Variants in WDR18 observed in about 807,000 individuals in gnomAD.
WDR18 encodes the protein WD repeat-containing protein 18.
WDR18 carries 33 observed loss-of-function variants against 49.6 expected under a neutral mutation model. That is an observed-to-expected ratio of 0.67 (90% confidence interval 0.50 to 0.89). WDR18 has a LOEUF of 0.89. WDR18 is among the 40% of genes least tolerant of loss of function. WDR18 has a pLI of 0.00. For missense variants in WDR18, 653 were observed against 593.6 expected, an observed-to-expected ratio of 1.10 and a Z score of -1.04; for synonymous variants, 315 against 263.6, an observed-to-expected ratio of 1.19 and a Z score of -1.89.
chr19:990,610 TGA>T, intron 4 of WDR18: 1 of 804,838 alleles, frequency 1.2e-6, no homozygotes, highest in Middle Eastern at 3.7e-4. Context: ...TCACTATGCT[TGA>T]GTCGTGACCG....
rs555918464 is a variant in WDR18 at position 990,622 on chromosome 19, G to A, written c.598-230G>A. 1.6e-4 allele frequency: 130 copies of A among 803,320 alleles called. No individual in the cohort carries two copies. The South Asian group carries it at 2.4e-3, about 15-fold the overall frequency. 49.8% of individuals were successfully genotyped at this position (803,320 alleles called of 1,614,324 possible). On this transcript the variant is annotated intron_variant, in intron 4 of 9. Coordinates refer to ENST00000585809, the MANE Select transcript of WDR18 (RefSeq NM_024100.4). ...TCATCACTATGCTTGAGTCGTGACC[G>A]GTGGTCCTGGGAGGGAGAACCAGGG...
chr19:992,317 C>G (rs565360784), intron 8 of WDR18, among the ~76,000 whole-genome samples, 196 bp downstream of exon 8: 106 of 152,354 alleles, frequency 7.0e-4, no homozygotes, highest in African/African-American at 2.4e-3. Context: ...CCCAGAGGCT[C>G]TGAGAAGTTA....
At chr19:992,236 G>A (rs1220492329) in intron 8 of WDR18, 115 bp downstream of exon 8, 2 of 1,256,202 alleles carry the variant, frequency 1.6e-6, no homozygotes, top group Non-Finnish European at 1.0e-6. Flanking sequence ...CCACAAGCCC[G>A]GCACTGGAGG....
At chr19:983,626 G>A (rs983240515), upstream of WDR18, among the ~76,000 whole-genome samples, 2 of 151,406 alleles carry the variant, frequency 1.3e-5, no homozygotes, top group Admixed American at 1.3e-4. Context: ...CATGAAGTTA[G>A]ACCCTGCTTG....
At position 985,859 on chromosome 19, in the gene WDR18, C is replaced by T; in HGVS notation, c.211-6C>T. 6.2e-7 allele frequency: 1 copy of T among 1,613,738 alleles called. No homozygotes were observed. On this transcript the variant is annotated splice_region_variant and splice_polypyrimidine_tract_variant and intron_variant, in intron 1 of 9. Transcript: ENST00000585809. ...GGGGCTCACGAGGCTGACTGTGCATCCTTAGGACCAGCTCCAGCAGAAGAT... is the reference window on the plus strand; with the variant it reads ...GGGGCTCACGAGGCTGACTGTGCATTCTTAGGACCAGCTCCAGCAGAAGAT...
chr19:988,151 G>A (rs983681545), intron 2 of WDR18, among the ~76,000 whole-genome samples: 34 of 46,316 alleles, frequency 7.3e-4, no homozygotes, highest in African/African-American at 1.7e-3. Flanking sequence ...TTTCTGACCC[G>A]TGAGCTGTGA....
chr19:993,917 C>T, intron 8 of WDR18, 103 bp from the exon 9 acceptor site: 1 of 1,341,970 alleles, frequency 7.5e-7, no homozygotes, highest in Non-Finnish European at 1.0e-6. Flanking sequence ...ACGGTGGCCC[C>T]TCCCTGGCTG....
At chr19:991,432 G>A in intron 7 of WDR18, 81 bp downstream of exon 7, 2 of 1,400,966 alleles carry the variant, frequency 1.4e-6, no homozygotes, top group Non-Finnish European at 1.9e-6. Flanking sequence ...TTGGGTGGGG[G>A]CGGGGACTGG....
chr19:990,802 C>G (rs1313058169), intron 4 of WDR18, 50 bp from the exon 5 acceptor site: 4 of 1,550,210 alleles, frequency 2.6e-6, no homozygotes, highest in Non-Finnish European at 3.5e-6. Context: ...CCATGGGGTC[C>G]TCGGGTTCCC....
At chr19:993,177 TTTTG>T (rs2038581994) in intron 8 of WDR18, among the ~76,000 whole-genome samples, 1 of 152,212 alleles carries the variant, frequency 6.6e-6, no homozygotes, top group Non-Finnish European at 1.5e-5. Flanking sequence ...GGGGCGAGCT[TTTTG>T]TTCAGAAAGT....
intron 8 of WDR18, among the ~76,000 whole-genome samples, chr19:993,580 T>C (rs1049271252): frequency 4.6e-5 from 7 of 152,212 alleles, no homozygotes; most frequent in African/African-American, 1.7e-4. Context: ...CGTCCCTCCA[T>C]GTAACTGGTT....
At position 989,831 on chromosome 19, in the gene WDR18, G is replaced by A; in HGVS notation, c.391G>A (p.Gly131Arg). ...GGACGTCTCCTGCCTTCAGTTCACA[G>A]GGGACAGCAGCCACTTCATCTCAGG... ...YQDVSCLQFT[G>R]DSSHFISGGK... Residue 131 changes from glycine to arginine, a missense_variant, in exon 3 of 10, where the codon GGG becomes AGG. Coordinates refer to ENST00000585809, the MANE Select transcript of WDR18 (RefSeq NM_024100.4). The A allele has an allele frequency of 1.2e-6, 2 of 1,612,804 alleles. No individual in the cohort carries two copies. Among genetic ancestry groups the A allele is most frequent in the Non-Finnish European group, 1.7e-6 (2 of 1,179,832 alleles).
upstream of WDR18, among the ~76,000 whole-genome samples, chr19:984,112 C>T (rs1454983590): frequency 1.3e-5 from 2 of 152,204 alleles, no homozygotes; most frequent in African/African-American, 4.8e-5. Context: ...ACTAACTGAT[C>T]GCCGGAGACC....
intron 2 of WDR18, among the ~76,000 whole-genome samples, chr19:987,831 T>TTTTTTTGTTTTTTTTG (rs2038491580): frequency 2.9e-5 from 1 of 35,060 alleles, no homozygotes; most frequent in African/African-American, 8.3e-5. Context: ...CGCCTCCAGT[T>TTTTTTTGTTTTTTTTG]TTTTTTTTTT....
In WDR18 at chr19:994,359, G is replaced by A. The variant is rs766761424; in HGVS notation, c.*15G>A. The A allele has an allele frequency of 1.6e-5, 25 of 1,599,798 alleles. No homozygotes were observed. The East Asian group carries it at 1.8e-4, about 12-fold the overall frequency. On this transcript the variant is annotated 3_prime_UTR_variant, in exon 10 of 10. Coordinates refer to ENST00000585809, the MANE Select transcript of WDR18 (RefSeq NM_024100.4). ...CGGCCAAGTGAGGCCCGGAGACCCC[G>A]GCCCGAGGCGCCCAGGCCTGAGCCC...
At chr19:991,411 C>G in intron 7 of WDR18, 60 bp downstream of exon 7, 1 of 1,258,386 alleles carries the variant, frequency 7.9e-7, no homozygotes, top group Non-Finnish European at 1.0e-6. Context: ...AGCAGGAGCT[C>G]CGGGCTTGGC....
Position 994,394 on chromosome 19 carries a change from C to T in WDR18, c.*50C>T. 1 of 1,564,428 alleles carries T rather than the reference C, an allele frequency of 6.4e-7. No homozygotes were observed. The highest frequency in any genetic ancestry group is 8.6e-7 in the Non-Finnish European group (1 of 1,157,778). On this transcript the variant is annotated 3_prime_UTR_variant, in exon 10 of 10. Coordinates refer to ENST00000585809, the MANE Select transcript of WDR18 (RefSeq NM_024100.4). ...GCCCAGGCCTGAGCCCCATGCCTCC[C>T]AGCAACCAGGGCCCGCGGGTGTGGC...
intron 8 of WDR18, among the ~76,000 whole-genome samples, chr19:993,418 C>T (rs557756527): frequency 2.6e-4 from 40 of 152,370 alleles, no homozygotes; most frequent in South Asian, 1.0e-3. Flanking sequence ...CCCCACCTGG[C>T]TCCCTTCCTC....
At position 991,225 on chromosome 19, in the gene WDR18, A is replaced by T; in HGVS notation, c.807-2A>T. 1 of 1,573,252 alleles carries T rather than the reference A, an allele frequency of 6.4e-7. No individual in the cohort carries two copies. On this transcript the variant is annotated splice_acceptor_variant, in intron 6 of 9. Coordinates refer to ENST00000585809, the MANE Select transcript of WDR18 (RefSeq NM_024100.4). LOFTEE classifies it high-confidence loss of function. ...CCAGGTGACCCCTGTCTGTCTGTCC[A>T]GGAACCAGGTGACTTGCCTGTCAGT...
Sources: gnomAD v4.1 joint callset for allele counts (sites outside exome capture counted in the v4.1 genomes callset) on GRCh38, gnomAD v4.1.1 for gene constraint, MANE v1.5 for transcripts, NCBI Gene and HGNC (gene_info 2026-07-23, HGNC 2026-07-21) for gene names.